Variants in PFN4 observed in about 807,000 individuals in gnomAD.
The protein encoded by PFN4 is profilin family member 4.
A neutral mutation model predicts 16.3 loss-of-function variants in PFN4; 10 were observed. The ratio of observed to expected loss-of-function variants is 0.61; its 90% CI spans 0.38 to 1.04. The LOEUF (loss-of-function observed/expected upper bound fraction) is 1.04, where lower values mean the gene tolerates loss of function less well. Among genes scored for constraint, PFN4 ranks in the 50% least tolerant of loss-of-function variants. The pLI, the probability that PFN4 is intolerant of heterozygous loss-of-function variation, is 0.01. For synonymous variants in PFN4, 54 were observed against 56.9 expected, an observed-to-expected ratio of 0.95 and a Z score of 0.23; for missense variants, 136 against 153.6, an observed-to-expected ratio of 0.89 and a Z score of 0.61.
rs778667355 is a variant in PFN4, at chr2:24,122,429, G to C, written c.107C>G (p.Pro36Arg). The C allele has an allele frequency of 2.5e-6, 4 of 1,611,004 alleles. No individual in the cohort carries two copies. The highest frequency in any genetic ancestry group is 2.2e-5 in the South Asian group (2 of 90,936). The change falls in exon 2 of 5, where the codon CCA (proline) becomes CGA (arginine). Residue 36 changes from proline (P) to arginine (R), a missense_variant. Transcript: ENST00000313213. Reference sequence around the variant, plus strand: ...CTTGTTTTTTCTTACATTGAAACCTGGTGATGCTACACACAAGCTCCGCTC... The same window carrying C: ...CTTGTTTTTTCTTACATTGAAACCTCGTGATGCTACACACAAGCTCCGCTC... ...IQERSLCVAS[P>R]GFNVTPSDVR...
At chr2:24,120,703 G>A (rs1055266039) in intron 3 of PFN4, among the ~76,000 whole-genome samples, 2 of 151,804 alleles carry the variant, frequency 1.3e-5, no homozygotes, top group East Asian at 1.9e-4. Context: ...TTACAAGGGC[G>A]CACCACACCT....
intron 4 of PFN4, among the ~76,000 whole-genome samples, chr2:24,119,029 C>A (rs1666014063): frequency 6.6e-6 from 1 of 152,140 alleles, no homozygotes; most frequent in African/African-American, 2.4e-5. Flanking sequence ...GATCTTTATT[C>A]AAAAATGTAT....
At chr2:24,121,370 T>C (rs1419891875) in intron 2 of PFN4, 70 bp from the exon 3 acceptor site, 4 of 1,475,530 alleles carry the variant, frequency 2.7e-6, no homozygotes, top group South Asian at 1.3e-5. Flanking sequence ...TTTAGCCCAC[T>C]ACCTGTTTTT....
At position 24,122,464 on chromosome 2, in the gene PFN4, G is replaced by C. The variant is rs1016544129; in HGVS notation, c.72C>G (p.Ile24Met). The C allele has an allele frequency of 3.7e-6, 6 of 1,614,158 alleles. No homozygotes were observed. Among genetic ancestry groups the C allele is most frequent in the Middle Eastern group, 1.6e-4 (1 of 6,062 alleles). The change falls in exon 2 of 5, where the codon ATC becomes ATG. Residue 24 changes from isoleucine to methionine, a missense_variant. Transcript: ENST00000313213. ...GTKHVDSAAL[I>M]KIQERSLCVA... ...CACACAAGCTCCGCTCCTGGATTTT[G>C]ATGAGGGCTGCACTGTCCACATGCT...
rs1164087164 is a variant in PFN4, at chr2:24,115,046, C to G, written c.*537G>C. Among the ~76,000 whole-genome samples the G allele has an allele frequency of 6.6e-6, 1 of 152,174 alleles. No homozygotes were observed. The highest frequency in any genetic ancestry group is 2.4e-5 in the African/African-American group (1 of 41,432). On this transcript the variant is annotated 3_prime_UTR_variant, in exon 5 of 5. Transcript: ENST00000313213. ...TGAATGGCCTTTGCAATCCCTTCTC[C>G]CAAGTCTCACCGGGGTGATGTGAGC...
chr2:24,119,744 G>T (rs904171576), intron 3 of PFN4, 62 bp from the exon 4 acceptor site: 7 of 1,249,416 alleles, frequency 5.6e-6, no homozygotes, highest in Non-Finnish European at 8.0e-6. Context: ...CAGTGGTCAT[G>T]CTCCAGCTAC....
At chr2:24,115,680 C>T in intron 4 of PFN4, 69 bp from the exon 5 acceptor site, 1 of 1,532,844 alleles carries the variant, frequency 6.5e-7, no homozygotes, top group Non-Finnish European at 9.0e-7. Context: ...TTCATTCATC[C>T]ATTTATTATT....
intron 2 of PFN4, among the ~76,000 whole-genome samples, chr2:24,121,535 C>A (rs1666118709): frequency 6.6e-6 from 1 of 152,126 alleles, no homozygotes; most frequent in Non-Finnish European, 1.5e-5. Context: ...CACATTCATT[C>A]TTTTATGTAT....
chr2:24,119,177 C>T (rs1433876436), intron 4 of PFN4, among the ~76,000 whole-genome samples: 2 of 152,218 alleles, frequency 1.3e-5, no homozygotes, highest in East Asian at 3.9e-4. Flanking sequence ...TGCTGTCTCC[C>T]CCCTCCCCTA....
At chr2:24,122,611 A>T in intron 1 of PFN4, 64 bp from the exon 2 acceptor site, 1 of 974,112 alleles carries the variant, frequency 1.0e-6, no homozygotes, top group East Asian at 2.4e-5. Flanking sequence ...ATGTGAATAC[A>T]AATGTCCTTA....
intron 4 of PFN4, among the ~76,000 whole-genome samples, chr2:24,116,385 T>G (rs1488331334): frequency 6.6e-6 from 1 of 151,990 alleles, no homozygotes; most frequent in African/African-American, 2.4e-5. Context: ...AAAGATGGGG[T>G]CTCACTATGT....
Position 24,115,201 on chromosome 2 carries a change from T to C in PFN4, c.*382A>G, listed in dbSNP as rs1388412783. ...TCCTGATGGGAGACATCCCTTCATT[T>C]TTCAAGGTTGCTTGCTGCAACCTAA... On this transcript the variant is annotated 3_prime_UTR_variant, in exon 5 of 5. Transcript: ENST00000313213. Among the ~76,000 whole-genome samples, 1 of 152,298 alleles carries C rather than the reference T, an allele frequency of 6.6e-6. No homozygotes were observed. The highest frequency in any genetic ancestry group is 1.9e-4 in the East Asian group (1 of 5,186).
chr2:24,121,306 GA>G lies in PFN4; in HGVS notation c.118-7del. Reference sequence around the variant, plus strand: ...CGGACATCACTGGGCGTTACCTGGAGAGGTTACATGGTTAGAGCAGGAGTCA... The same window carrying G: ...CGGACATCACTGGGCGTTACCTGGAGGGTTACATGGTTAGAGCAGGAGTCA... On this transcript the variant is annotated splice_polypyrimidine_tract_variant and splice_region_variant and intron_variant, in intron 2 of 4. Transcript: ENST00000313213. 1 of 1,614,104 alleles carries G rather than the reference GA, an allele frequency of 6.2e-7. No homozygotes were observed. Among genetic ancestry groups the G allele is most frequent in the South Asian group, 1.1e-5 (1 of 91,066 alleles).
chr2:24,122,430 G>T lies in PFN4; in HGVS notation c.106C>A (p.Pro36Thr). 1.2e-6 allele frequency: 2 copies of T among 1,611,530 alleles called. No homozygotes were observed. The highest frequency in any genetic ancestry group is 1.7e-6 in the Non-Finnish European group (2 of 1,177,928). The change falls in exon 2 of 5, where the codon CCA becomes ACA. Residue 36 changes from proline to threonine, a missense_variant. Coordinates refer to ENST00000313213, the MANE Select transcript of PFN4 (RefSeq NM_199346.3). ...TTGTTTTTTCTTACATTGAAACCTG[G>T]TGATGCTACACACAAGCTCCGCTCC... ...IQERSLCVAS[P>T]GFNVTPSDVR...
chr2:24,115,630 T>C lies in PFN4; in HGVS notation c.362-19A>G, dbSNP rs748762853. 1.2e-6 allele frequency: 2 copies of C among 1,611,746 alleles called. No homozygotes were observed. The highest frequency in any genetic ancestry group is 1.7e-6 in the Non-Finnish European group (2 of 1,178,578). On this transcript the variant is annotated intron_variant, in intron 4 of 4. Transcript: ENST00000313213. ...TAGTCTCCTGAAAGCAAACACAGCATGGTTATTATTTATGAGCTGCAAATT... is the reference window on the plus strand; with the variant it reads ...TAGTCTCCTGAAAGCAAACACAGCACGGTTATTATTTATGAGCTGCAAATT...
At chr2:24,121,375 GT>G in intron 2 of PFN4, 75 bp from the exon 3 acceptor site, 1 of 1,396,528 alleles carries the variant, frequency 7.2e-7, no homozygotes, top group Non-Finnish European at 9.8e-7. Context: ...CCCACTACCT[GT>G]TTTTTATGGC....
intron 4 of PFN4, among the ~76,000 whole-genome samples, chr2:24,117,089 C>G (rs971531606): frequency 6.7e-6 from 1 of 148,222 alleles, no homozygotes; most frequent in African/African-American, 2.5e-5. Flanking sequence ...GATCTCGGCT[C>G]ACCGCAACCT....
At chr2:24,121,345 T>C in intron 2 of PFN4, 45 bp from the exon 3 acceptor site, 1 of 1,571,580 alleles carries the variant, frequency 6.4e-7, no homozygotes, top group Non-Finnish European at 8.7e-7. Context: ...CAACTATGGC[T>C]GGTGGCCAGC....
At position 24,114,994 on chromosome 2, in the gene PFN4, T is replaced by A. The variant is rs1053580797; in HGVS notation, c.*589A>T. Among the ~76,000 whole-genome samples, 1 of 152,182 alleles carries A rather than the reference T, an allele frequency of 6.6e-6. No homozygotes were observed. The highest frequency in any genetic ancestry group is 1.5e-5 in the Non-Finnish European group (1 of 68,028). On this transcript the variant is annotated 3_prime_UTR_variant, in exon 5 of 5. Coordinates refer to ENST00000313213, the MANE Select transcript of PFN4 (RefSeq NM_199346.3). ...GCAAATGGGAGTGTGAAATGTCCAT[T>A]GAATACCTTGACTAGTGGTCCATTG... is the stretch of plus-strand genomic sequence containing the variant.
Sources: gnomAD v4.1 joint callset for allele counts (sites outside exome capture counted in the v4.1 genomes callset) on GRCh38, gnomAD v4.1.1 for gene constraint, MANE v1.5 for transcripts, NCBI Gene and HGNC (gene_info 2026-07-23, HGNC 2026-07-21) for gene names.